HIPK2: variants seen among roughly 807,000 people sequenced by gnomAD.
HIPK2 encodes the protein homeodomain interacting protein kinase 2, also known as homeodomain-interacting protein kinase 2.
In HIPK2, 27 loss-of-function variants were observed where a neutral mutation model predicts 113.7. The ratio of observed to expected loss-of-function variants is 0.24; its 90% CI spans 0.17 to 0.33. HIPK2 has a LOEUF of 0.33. Among genes scored for constraint, HIPK2 ranks in the 10% least tolerant of loss-of-function variants. HIPK2 has a pLI of 1.00. For synonymous variants in HIPK2, 631 were observed against 642.2 expected (o/e 0.98, Z 0.26); for missense variants, 1,257 against 1,588.0 (o/e 0.79, Z 3.54).
chr7:139,668,773 A>C (rs1374223311), intron 2 of HIPK2, among the ~76,000 whole-genome samples: 1 of 152,232 alleles, frequency 6.6e-6, no homozygotes, highest in Non-Finnish European at 1.5e-5. Context: ...GACTGGTTAC[A>C]GTTGCACATT....
At chr7:139,676,377 G>A (rs148251242) in intron 2 of HIPK2, among the ~76,000 whole-genome samples, 37 of 152,134 alleles carry the variant, frequency 2.4e-4, no homozygotes, top group Non-Finnish European at 2.6e-4. Context: ...CTTACCAGAA[G>A]TATCCTCACA....
In HIPK2 at chr7:139,716,937, A is replaced by G. The variant is rs1339231299; in HGVS notation, c.98T>C (p.Ile33Thr). Reference protein sequence around the residue: ...SAFCSVKKLKIEPSSNWDMTG... With the variant: ...SAFCSVKKLKTEPSSNWDMTG... ...CATGTCCCAGTTGGAACTCGGCTCT[A>G]TTTTCAGTTTCTTCACACTACAGAA... The change falls in exon 2 of 15, where the codon ATA becomes ACA. Residue 33 changes from isoleucine to threonine, a missense_variant. By Grantham distance (89) the Ile-to-Thr change is moderately conservative. Around this residue, in one of 5 missense-constraint regions of HIPK2, gnomAD observed 209 missense variants for 237.8 expected, o/e 0.88. Transcript: ENST00000406875. The surrounding 1 kb of genome is among the most constrained non-coding windows in gnomAD (Gnocchi z 9.3). 6.2e-7 allele frequency: 1 copy of G among 1,613,778 alleles called. No homozygotes were observed.
intron 1 of HIPK2, among the ~76,000 whole-genome samples, chr7:139,719,656 T>A (rs1362179090): frequency 1.3e-5 from 2 of 152,214 alleles, no homozygotes; most frequent in Non-Finnish European, 2.9e-5. Context: ...TATCCTAACA[T>A]CTCCATGACT....
intron 2 of HIPK2, among the ~76,000 whole-genome samples, chr7:139,698,219 C>T (rs1794616626): frequency 1.3e-5 from 2 of 152,288 alleles, no homozygotes; most frequent in East Asian, 3.9e-4. Flanking sequence ...TCATACGATA[C>T]GTGTATGCCT....
At chr7:139,665,593 T>TCCAC (rs1802021291) in intron 2 of HIPK2, among the ~76,000 whole-genome samples, 1 of 151,660 alleles carries the variant, frequency 6.6e-6, no homozygotes, top group Non-Finnish European at 1.5e-5. Context: ...CATCCATCCA[T>TCCAC]CCATCCATCC....
At chr7:139,603,374 C>T (rs1415615815) in intron 10 of HIPK2, among the ~76,000 whole-genome samples, 1 of 151,954 alleles carries the variant, frequency 6.6e-6, no homozygotes, top group Non-Finnish European at 1.5e-5. Context: ...GGGGAAGGTA[C>T]AAGGGTATCT....
intron 2 of HIPK2, among the ~76,000 whole-genome samples, chr7:139,693,097 C>G (rs935867577): frequency 6.6e-6 from 1 of 152,194 alleles, no homozygotes; most frequent in African/African-American, 2.4e-5. Flanking sequence ...AGATGCAAAG[C>G]TTTTGGAGGC....
At chr7:139,640,446 G>A (rs952997663) in intron 2 of HIPK2, among the ~76,000 whole-genome samples, 4 of 152,158 alleles carry the variant, frequency 2.6e-5, no homozygotes, top group East Asian at 3.9e-4. Context: ...AGTGTTCACC[G>A]GGTTGAATCC....
At position 139,575,272 on chromosome 7, in the gene HIPK2, G is replaced by A. The variant is rs1400401489; in HGVS notation, c.2982C>T (p.His994=). ...AGGACTTGGACTTGTAGGAGGACGA[G>A]TGGTGACTGGTGTTGACTGTGGCGG... ...DSLVPVNTSH[H]SSSYKSKSSS... is the part of the protein sequence containing the mutation. The change falls in exon 14 of 15, where the codon CAC becomes CAT. Residue 994 remains histidine (H), a synonymous_variant. Transcript: ENST00000406875. The A allele has an allele frequency of 1.3e-6, 2 of 1,572,294 alleles. No individual in the cohort carries two copies. Among genetic ancestry groups the A allele is most frequent in the Non-Finnish European group, 8.6e-7 (1 of 1,158,820 alleles).
intron 2 of HIPK2, among the ~76,000 whole-genome samples, chr7:139,710,392 C>T (rs536410472): frequency 6.6e-6 from 1 of 152,318 alleles, no homozygotes; most frequent in African/African-American, 2.4e-5. Context: ...ACCCATCTGG[C>T]AAAATCTTTC....
intron 1 of HIPK2, among the ~76,000 whole-genome samples, chr7:139,754,682 G>A (rs1569485027): frequency 6.6e-6 from 1 of 152,162 alleles, no homozygotes; most frequent in Non-Finnish European, 1.5e-5. Flanking sequence ...AGTGCTAAGA[G>A]CCTGAGAAAA....
Position 139,572,850 on chromosome 7 carries a change from G to A in HIPK2, c.*77C>T. ...TAAAAGGCCAGCGCCCACGGTCCCA[G>A]GAGCGCCTCCCTCCTTCTCTCCCTC... On this transcript the variant is annotated 3_prime_UTR_variant, in exon 15 of 15. Transcript: ENST00000406875. 1 of 1,129,712 alleles carries A rather than the reference G, an allele frequency of 8.9e-7. No individual in the cohort carries two copies. Among genetic ancestry groups the A allele is most frequent in the East Asian group, 4.6e-5 (1 of 21,702 alleles). The allele number at this position is 1,129,712 out of a possible 1,614,324, so 70.0% of individuals were successfully genotyped here.
intron 13 of HIPK2, among the ~76,000 whole-genome samples, chr7:139,576,772 T>C (rs1462314458): frequency 1.3e-5 from 2 of 152,188 alleles, no homozygotes; most frequent in Non-Finnish European, 2.9e-5. Flanking sequence ...AGAAGGCTGA[T>C]GGAACAGGAC....
chr7:139,643,932 T>A (rs983960056), intron 2 of HIPK2, among the ~76,000 whole-genome samples: 1 of 152,168 alleles, frequency 6.6e-6, no homozygotes, highest in African/African-American at 2.4e-5. Context: ...TCTGGTGCTA[T>A]ACCATGAAGC....
chr7:139,665,700 C>G (rs1802026405), intron 2 of HIPK2, among the ~76,000 whole-genome samples: 1 of 152,164 alleles, frequency 6.6e-6, no homozygotes. Context: ...CAAACTCCTC[C>G]CCTCTAAATG....
At chr7:139,599,265 G>C (rs1350623403) in intron 11 of HIPK2, among the ~76,000 whole-genome samples, 1 of 152,074 alleles carries the variant, frequency 6.6e-6, no homozygotes. Context: ...GGTTTATTAA[G>C]GTATAACTGA....
In HIPK2 at chr7:139,714,775, G is replaced by A. The variant is rs980449393; in HGVS notation, c.1103+1157C>T. ...GACCTCTATCTCCACTGCACTGTTC[G>A]GCACCACCCCAAACACACCCCCAGG... On this transcript the variant is annotated intron_variant, in intron 2 of 14. Transcript: ENST00000406875. This position sits in a 1 kb window ranked among gnomAD's most constrained non-coding sequence, Gnocchi z 4.2. Among the ~76,000 whole-genome samples, 38 of 152,198 alleles carry A rather than the reference G, an allele frequency of 2.5e-4. No homozygotes were observed. Among genetic ancestry groups the A allele is most frequent in the African/African-American group, 7.5e-4 (31 of 41,520 alleles).
chr7:139,563,091 T>C lies in HIPK2; in HGVS notation c.*9836A>G, dbSNP rs1797993177. The C allele has an allele frequency of 7.1e-6, 1 of 140,590 alleles. No individual in the cohort carries two copies. Among genetic ancestry groups the C allele is most frequent in the African/African-American group, 2.6e-5 (1 of 37,832 alleles). 8.7% of individuals were successfully genotyped at this position (140,590 alleles called of 1,614,324 possible). A position where few individuals can be genotyped will look rare whatever the true frequency, so the allele number is the denominator to read the frequency against. ...GAGCAGAAACGGGGGACCGACTGAC[T>C]CAGGGCAGCGCTGACGGGAACATCT... is the stretch of plus-strand genomic sequence containing the variant. On this transcript the variant is annotated 3_prime_UTR_variant, in exon 15 of 15. Coordinates refer to ENST00000406875, the MANE Select transcript of HIPK2 (RefSeq NM_022740.5).
At chr7:139,586,508 C>T (rs967855446) in intron 12 of HIPK2, among the ~76,000 whole-genome samples, 27 of 151,888 alleles carry the variant, frequency 1.8e-4, no homozygotes, top group African/African-American at 6.3e-4. Flanking sequence ...GTGGCTCATG[C>T]CTGTAATCTC....
Sources: gnomAD v4.1 joint callset for allele counts (sites outside exome capture counted in the v4.1 genomes callset) on GRCh38, gnomAD v4.1.1 for gene constraint, gnomAD v4.1.1 regional missense constraint, Gnocchi (gnomAD v3.1) non-coding constraint, MANE v1.5 for transcripts, NCBI Gene and HGNC (gene_info 2026-07-23, HGNC 2026-07-21) for gene names.